ATG14: variants seen among roughly 807,000 people sequenced by gnomAD.
The protein encoded by ATG14 is beclin 1-associated autophagy-related key regulator.
A neutral mutation model predicts 60.4 loss-of-function variants in ATG14; 35 were observed. That is an observed-to-expected ratio of 0.58 (90% CI 0.44 to 0.77). ATG14 has a LOEUF of 0.77. ATG14 is among the 30% of genes least tolerant of loss of function. The pLI is 0.00. For synonymous variants in ATG14, 234 were observed against 228.8 expected, an observed-to-expected ratio of 1.02 and a Z score of -0.21; for missense variants, 647 against 626.3, an observed-to-expected ratio of 1.03 and a Z score of -0.35.
At chr14:55,372,408 A>G (rs779161380) in intron 9 of ATG14, among the ~76,000 whole-genome samples, 6 of 152,028 alleles carry the variant, frequency 3.9e-5, no homozygotes, top group African/African-American at 1.4e-4. Context: ...TAAACCAAAG[A>G]TGCTCTGATT....
chr14:55,393,206 C>A (rs1222734757), intron 3 of ATG14, among the ~76,000 whole-genome samples: 1 of 142,284 alleles, frequency 7.0e-6, no homozygotes, highest in African/African-American at 2.5e-5. Flanking sequence ...ACGGTGAAAC[C>A]CCGTCTCTAC....
chr14:55,406,063 AT>A (rs1365092563), intron 1 of ATG14, among the ~76,000 whole-genome samples: 14 of 152,228 alleles, frequency 9.2e-5, no homozygotes, highest in African/African-American at 3.4e-4. Flanking sequence ...TTCTCAACTA[AT>A]CTGCCAAACT....
At position 55,369,748 on chromosome 14, in the gene ATG14, A is replaced by G. The variant is rs1444962437; in HGVS notation, c.1350T>C (p.Ser450=). 6.2e-7 allele frequency: 1 copy of G among 1,614,146 alleles called. No homozygotes were observed. Among genetic ancestry groups the G allele is most frequent in the South Asian group, 1.1e-5 (1 of 91,086 alleles). The change falls in exon 10 of 10, where the codon TCT becomes TCC. Residue 450 remains serine, a synonymous_variant. Transcript: ENST00000247178. ...TGCTCTGACTCTGGGAGACTTCCAC[A>G]GACTGGGAAGGGATATCACAAAACC... ...SPRFCDIPSQ[S]VEVSQSQSTQ... is the part of the protein sequence containing the mutation.
chr14:55,399,080 C>T (rs528754793), intron 1 of ATG14, among the ~76,000 whole-genome samples: 10 of 152,156 alleles, frequency 6.6e-5, no homozygotes, highest in Non-Finnish European at 1.5e-4. Flanking sequence ...AATACTATTT[C>T]TGTAATCCCA....
rs765423689 is a variant in ATG14 at position 55,382,013 on chromosome 14, A to C, written c.826T>G (p.Tyr276Asp). 2 of 1,614,186 alleles carry C rather than the reference A, an allele frequency of 1.2e-6. No individual in the cohort carries two copies. The stretch of plus-strand genomic sequence containing the variant: ...TCCACCCAGCTGTAGTAGGCAGAGT[A>C]GTCCCCATTGTTAGGGAGGCTAATC... ...PWISLPNNGD[Y>D]SAYYSWVEEK... Residue 276 changes from tyrosine (Y) to aspartate (D), a missense_variant, in exon 6 of 10, where the codon TAC (tyrosine) becomes GAC (aspartate). Physicochemically the swap from Tyr to Asp is radical, Grantham distance 160. Transcript: ENST00000247178.
intron 1 of ATG14, among the ~76,000 whole-genome samples, chr14:55,404,960 C>G (rs1424864505): frequency 1.3e-5 from 2 of 152,052 alleles, no homozygotes; most frequent in Non-Finnish European, 2.9e-5. Flanking sequence ...AATGCAAAAA[C>G]CTTTTATAAG....
intron 1 of ATG14, among the ~76,000 whole-genome samples, chr14:55,399,494 G>A (rs1160093643): frequency 6.6e-6 from 1 of 152,184 alleles, no homozygotes; most frequent in Non-Finnish European, 1.5e-5. Flanking sequence ...AGATTCATCA[G>A]TCAGTCTATC....
In ATG14 at chr14:55,397,287, G is replaced by A. The variant is rs182651419; in HGVS notation, c.284+85C>T. ...CCTAAATTCAGTAAGTTAGCAATCC[G>A]TATATCTGCATACCACAGCACTGAA... On this transcript the variant is annotated intron_variant, in intron 2 of 9. Coordinates refer to ENST00000247178, the MANE Select transcript of ATG14 (RefSeq NM_014924.5). 1,237 of 1,145,348 alleles carry A rather than the reference G, an allele frequency of 1.1e-3. 2 individuals are homozygous for A. Among genetic ancestry groups the A allele is most frequent in the Non-Finnish European group, 1.3e-3 (999 of 763,570 alleles). The allele number at this position is 1,145,348 out of a possible 1,614,324, so 70.9% of individuals were successfully genotyped here.
At chr14:55,401,742 C>T (rs909549854) in intron 1 of ATG14, among the ~76,000 whole-genome samples, 4 of 152,098 alleles carry the variant, frequency 2.6e-5, no homozygotes, top group Admixed American at 6.5e-5. Flanking sequence ...GAAGGGTGCT[C>T]GCACACAGCC....
intron 3 of ATG14, among the ~76,000 whole-genome samples, chr14:55,393,586 C>A (rs1429997048): frequency 2.7e-5 from 4 of 149,764 alleles, no homozygotes; most frequent in Non-Finnish European, 5.9e-5. Flanking sequence ...CACTCTGTTG[C>A]CCAGGTTAGA....
At position 55,377,848 on chromosome 14, in the gene ATG14, C is replaced by G; in HGVS notation, c.1143G>C (p.Leu381=). 6.2e-7 allele frequency: 1 copy of G among 1,600,222 alleles called. No individual in the cohort carries two copies. The highest frequency in any genetic ancestry group is 8.5e-7 in the Non-Finnish European group (1 of 1,176,042). Residue 381 remains leucine (L), a synonymous_variant, in exon 9 of 10, where the codon CTG becomes CTC. Transcript: ENST00000247178. ...CTAGGTGTTCAGAGCTTGGACTGAC[C>G]AGGTACATTAGATTCCTGAGGGTAT... ...PLHTLRNLMY[L]VSPSSEHLGR...
At chr14:55,407,358 T>C (rs1261522232) in intron 1 of ATG14, among the ~76,000 whole-genome samples, 1 of 152,190 alleles carries the variant, frequency 6.6e-6, no homozygotes, top group Non-Finnish European at 1.5e-5. Flanking sequence ...CTCGGTCTCT[T>C]GACCTTGTAA....
At chr14:55,383,684 G>C (rs993275286) in intron 5 of ATG14, among the ~76,000 whole-genome samples, 2 of 152,146 alleles carry the variant, frequency 1.3e-5, no homozygotes, top group Non-Finnish European at 2.9e-5. Context: ...CAGGTGGACT[G>C]CTTGAGCTCA....
chr14:55,410,127 G>T (rs118015339), intron 1 of ATG14, among the ~76,000 whole-genome samples: 62 of 152,296 alleles, frequency 4.1e-4, no homozygotes, highest in African/African-American at 1.4e-3. Context: ...CATTTACTGG[G>T]TTGGGATGAG....
intron 1 of ATG14, 78 bp from the exon 2 acceptor site, chr14:55,397,512 C>G (rs1440283697): frequency 1.8e-6 from 2 of 1,128,916 alleles, no homozygotes; most frequent in East Asian, 4.8e-5. Context: ...TCCCAAGAAC[C>G]AATCATTCTG....
intron 3 of ATG14, among the ~76,000 whole-genome samples, chr14:55,395,493 C>T (rs1186635974): frequency 6.6e-6 from 1 of 152,212 alleles, no homozygotes; most frequent in African/African-American, 2.4e-5. Context: ...GCTGGGATTA[C>T]AGGCATTAAC....
chr14:55,409,335 T>C (rs929369478), intron 1 of ATG14, among the ~76,000 whole-genome samples: 4 of 152,204 alleles, frequency 2.6e-5, no homozygotes, highest in African/African-American at 9.6e-5. Flanking sequence ...TAAATCTTTA[T>C]TGAGTTTCTA....
intron 1 of ATG14, among the ~76,000 whole-genome samples, chr14:55,399,723 A>C (rs1255309665): frequency 2.0e-5 from 3 of 152,232 alleles, no homozygotes; most frequent in Non-Finnish European, 4.4e-5. Flanking sequence ...GAAAATAATA[A>C]ACTCACAAGT....
chr14:55,407,315 G>C (rs889511381), intron 1 of ATG14, among the ~76,000 whole-genome samples: 1 of 152,180 alleles, frequency 6.6e-6, no homozygotes, highest in Non-Finnish European at 1.5e-5. Context: ...ATTTTGACTA[G>C]AGACGAGGTT....
Sources: gnomAD v4.1 joint callset for allele counts (sites outside exome capture counted in the v4.1 genomes callset) on GRCh38, gnomAD v4.1.1 for gene constraint, MANE v1.5 for transcripts, NCBI Gene and HGNC (gene_info 2026-07-23, HGNC 2026-07-21) for gene names.